COMMD10: variants seen among roughly 807,000 people sequenced by gnomAD.
COMMD10 encodes COMM domain containing 10.
A neutral mutation model predicts 28.9 loss-of-function variants in COMMD10; 33 were observed. The observed-to-expected ratio is 1.14, with a 90% confidence interval of 0.87 to 1.53. The LOEUF is 1.53. Among genes scored for constraint, COMMD10 ranks in the 40% most tolerant of loss-of-function variants. The pLI, the probability that COMMD10 is intolerant of heterozygous loss-of-function variation, is 0.00. For synonymous variants in COMMD10, 110 were observed against 81.7 expected (o/e 1.35, Z -1.87); for missense variants, 310 against 233.4 (o/e 1.33, Z -2.14).
intron 4 of COMMD10, among the ~76,000 whole-genome samples, chr5:116,108,301 C>G (rs751009660): frequency 2.6e-5 from 4 of 152,238 alleles, no homozygotes; most frequent in Non-Finnish European, 5.9e-5. Context: ...GGTGCTCTGT[C>G]CCAGGGAGAT....
intron 2 of COMMD10, among the ~76,000 whole-genome samples, chr5:116,089,181 G>T (rs555683303): frequency 6.6e-6 from 1 of 152,256 alleles, no homozygotes; most frequent in African/African-American, 2.4e-5. Context: ...ATGGCTTTGT[G>T]TTACTAACTC....
chr5:116,244,175 G>T (rs1442803571), intron 5 of COMMD10, among the ~76,000 whole-genome samples: 1 of 151,874 alleles, frequency 6.6e-6, no homozygotes, highest in African/African-American at 2.4e-5. Context: ...TATAGGTTGA[G>T]GTAGGGACTG....
Position 116,164,343 on chromosome 5 carries a change from A to G in COMMD10, c.510+30165A>G, listed in dbSNP as rs577334030. On this transcript the variant is annotated intron_variant, in intron 5 of 6. Coordinates refer to ENST00000274458, the MANE Select transcript of COMMD10 (RefSeq NM_016144.4). ...CTCAAAAAAAATAAAAATAAAATAA[A>G]AAACCACTCTGGATTAATTTCTATT... Among the ~76,000 whole-genome samples, 23 of 121,328 alleles carry G rather than the reference A, an allele frequency of 1.9e-4. No individual in the cohort carries two copies. The South Asian group carries it at 5.6e-3, about 30-fold the overall frequency. 79.6% of individuals were successfully genotyped at this position (121,328 alleles called of 152,430 possible). A position where few individuals can be genotyped will look rare whatever the true frequency, so the allele number is the denominator to read the frequency against.
rs149241221 is a variant in COMMD10 at position 116,286,244 on chromosome 5, CCTT to C, written c.511-5269_511-5267del. On this transcript the variant is annotated intron_variant, in intron 5 of 6. Transcript: ENST00000274458. Reference sequence around the variant, plus strand: ...TTTTAATGTTAGTTATTTGGGTCTTCCTTCTTTTTTTCTTAATTAGTCTAGCTA... The same window carrying C: ...TTTTAATGTTAGTTATTTGGGTCTTCCTTTTTTTCTTAATTAGTCTAGCTA... Among the ~76,000 whole-genome samples, 340 of 151,256 alleles carry C rather than the reference CCTT, an allele frequency of 2.2e-3. 2 individuals carry two copies. Among genetic ancestry groups the C allele is most frequent in the Non-Finnish European group, 3.8e-3 (260 of 67,810 alleles).
At chr5:116,249,472 C>A (rs1248887530) in intron 5 of COMMD10, among the ~76,000 whole-genome samples, 1 of 151,796 alleles carries the variant, frequency 6.6e-6, no homozygotes, top group Non-Finnish European at 1.5e-5. Context: ...AAAAAGAATT[C>A]TTATATAAGC....
chr5:116,172,875 A>C (rs565089743), intron 5 of COMMD10, among the ~76,000 whole-genome samples: 8 of 152,246 alleles, frequency 5.3e-5, no homozygotes, highest in African/African-American at 1.9e-4. Context: ...GTGTTCTTGC[A>C]AAAATTTGAC....
intron 5 of COMMD10, among the ~76,000 whole-genome samples, chr5:116,194,719 C>A (rs1178902864): frequency 6.6e-6 from 1 of 152,110 alleles, no homozygotes; most frequent in Non-Finnish European, 1.5e-5. Context: ...CAGACAGATT[C>A]ACAGCAGAAT....
At chr5:116,107,795 G>A (rs1289906870) in intron 4 of COMMD10, among the ~76,000 whole-genome samples, 1 of 152,076 alleles carries the variant, frequency 6.6e-6, no homozygotes, top group African/African-American at 2.4e-5. Context: ...TTTTTGTGCT[G>A]GTTTCTCCCT....
intron 5 of COMMD10, among the ~76,000 whole-genome samples, chr5:116,180,709 T>C (rs1275023152): frequency 6.6e-6 from 1 of 152,144 alleles, no homozygotes; most frequent in Non-Finnish European, 1.5e-5. Context: ...AAAAAATATA[T>C]TCTTAAAACT....
chr5:116,144,953 C>A (rs2112542491), intron 5 of COMMD10, among the ~76,000 whole-genome samples: 1 of 151,864 alleles, frequency 6.6e-6, no homozygotes, highest in South Asian at 2.1e-4. Context: ...TAATACATTT[C>A]TTGAGAAAGT....
At chr5:116,247,077 A>G (rs1475604767) in intron 5 of COMMD10, among the ~76,000 whole-genome samples, 4 of 152,094 alleles carry the variant, frequency 2.6e-5, no homozygotes, top group East Asian at 1.9e-4. Flanking sequence ...TTTGCATCCA[A>G]CAAAGGTCTA....
At chr5:116,198,810 A>T (rs1748592205) in intron 5 of COMMD10, among the ~76,000 whole-genome samples, 1 of 152,094 alleles carries the variant, frequency 6.6e-6, no homozygotes, top group Non-Finnish European at 1.5e-5. Context: ...TTTTAGTACT[A>T]AATAATCTCT....
At chr5:116,226,427 T>G (rs1190738128) in intron 5 of COMMD10, among the ~76,000 whole-genome samples, 2 of 151,784 alleles carry the variant, frequency 1.3e-5, no homozygotes, top group African/African-American at 4.8e-5. Flanking sequence ...TTTTTTTTTT[T>G]TTTTTGAGAA....
chr5:116,119,589 C>T (rs1041283631), intron 4 of COMMD10, among the ~76,000 whole-genome samples: 3 of 151,620 alleles, frequency 2.0e-5, no homozygotes, highest in East Asian at 3.9e-4. Context: ...TCTCTGATAC[C>T]CTGGCCCTGG....
At chr5:116,287,055 A>G (rs1751236257) in intron 5 of COMMD10, among the ~76,000 whole-genome samples, 1 of 151,840 alleles carries the variant, frequency 6.6e-6, no homozygotes, top group South Asian at 2.1e-4. Flanking sequence ...CTCATATAAC[A>G]TTGTGATAGG....
chr5:116,251,675 T>C, intron 5 of COMMD10, among the ~76,000 whole-genome samples: 2 of 151,220 alleles, frequency 1.3e-5, no homozygotes, highest in Non-Finnish European at 1.5e-5. Context: ...TGCCACATTT[T>C]CTTAATCCAG....
chr5:116,091,014 T>C (rs1424260869), intron 2 of COMMD10, 65 bp from the exon 3 acceptor site: 9 of 918,026 alleles, frequency 9.8e-6, no homozygotes, highest in Middle Eastern at 2.3e-4. Context: ...ATGAATCTTC[T>C]GTCAAGTATG....
chr5:116,226,575 A>G (rs994577538), intron 5 of COMMD10, among the ~76,000 whole-genome samples: 1 of 152,068 alleles, frequency 6.6e-6, no homozygotes, highest in Admixed American at 6.6e-5. Context: ...ATAGTTCGGC[A>G]TTGAACTTAG....
intron 5 of COMMD10, among the ~76,000 whole-genome samples, chr5:116,161,707 A>T (rs989599131): frequency 3.9e-4 from 60 of 152,332 alleles, no homozygotes; most frequent in African/African-American, 1.1e-3. Flanking sequence ...GCAGATCTTC[A>T]TAAAGATCTT....
Sources: gnomAD v4.1 joint callset for allele counts (sites outside exome capture counted in the v4.1 genomes callset) on GRCh38, gnomAD v4.1.1 for gene constraint, MANE v1.5 for transcripts, NCBI Gene and HGNC (gene_info 2026-07-23, HGNC 2026-07-21) for gene names.